Variants in SGPL1 observed in about 807,000 individuals in gnomAD.
SGPL1 encodes SP-lyase 1.
A neutral mutation model predicts 68.9 loss-of-function variants in SGPL1; 37 were observed. That is an observed-to-expected ratio of 0.54 (90% CI 0.41 to 0.71). The LOEUF (loss-of-function observed/expected upper bound fraction) is 0.71. Ranked by LOEUF, SGPL1 falls within the 30% of genes least tolerant of loss-of-function variation. The probability of loss-of-function intolerance (pLI) is 0.00; values close to 1 mark genes in which losing one functional copy is unlikely to be tolerated. For missense variants in SGPL1, 551 were observed against 704.6 expected, an observed-to-expected ratio of 0.78 and a Z score of 2.47; for synonymous variants, 236 against 248.5, an observed-to-expected ratio of 0.95 and a Z score of 0.47.
chr10:70,819,299 C>T (rs1393384489), intron 2 of SGPL1, among the ~76,000 whole-genome samples: 1 of 152,172 alleles, frequency 6.6e-6, no homozygotes, highest in Non-Finnish European at 1.5e-5. Context: ...CACATAGATG[C>T]GAGTGGCCCT....
chr10:70,852,713 TG>T (rs1195037621), intron 4 of SGPL1, among the ~76,000 whole-genome samples: 1 of 151,058 alleles, frequency 6.6e-6, no homozygotes, highest in African/African-American at 2.4e-5. Flanking sequence ...TGTATGTGTG[TG>T]TGTGTGTGTG....
chr10:70,841,642 A>G (rs1845715094), intron 2 of SGPL1, among the ~76,000 whole-genome samples: 1 of 152,110 alleles, frequency 6.6e-6, no homozygotes. Flanking sequence ...TCCTCCTACC[A>G]TCAGCTTGAG....
In SGPL1 at chr10:70,877,542, T is replaced by A; in HGVS notation, c.*207T>A. ...AATTTGAAGACCCCAGAGAATTCCATTACATAATGATTTTGCCCTTGTTAT... is the reference window on the plus strand; with the variant it reads ...AATTTGAAGACCCCAGAGAATTCCAATACATAATGATTTTGCCCTTGTTAT... On this transcript the variant is annotated 3_prime_UTR_variant, in exon 15 of 15. Coordinates refer to ENST00000373202, the MANE Select transcript of SGPL1 (RefSeq NM_003901.4). 2.0e-6 allele frequency: 1 copy of A among 510,968 alleles called. No homozygotes were observed. Among genetic ancestry groups the A allele is most frequent in the South Asian group, 3.7e-5 (1 of 26,866 alleles). 31.7% of individuals were successfully genotyped at this position (510,968 alleles called of 1,614,324 possible).
At chr10:70,867,214 G>A (rs144084439) in intron 7 of SGPL1, among the ~76,000 whole-genome samples, 2 of 152,232 alleles carry the variant, frequency 1.3e-5, no homozygotes, top group East Asian at 3.9e-4. Context: ...AAATAGCCAG[G>A]TGGCTATGAC....
chr10:70,837,411 C>G (rs548967521), intron 2 of SGPL1, among the ~76,000 whole-genome samples: 2 of 152,316 alleles, frequency 1.3e-5, no homozygotes, highest in East Asian at 3.9e-4. Context: ...AAGTGCTTCA[C>G]TCTTTCCTGT....
At chr10:70,853,379 T>C (rs1845916306) in intron 4 of SGPL1, among the ~76,000 whole-genome samples, 2 of 152,344 alleles carry the variant, frequency 1.3e-5, no homozygotes, top group South Asian at 2.1e-4. Context: ...TTAACAAATA[T>C]ATTGCTGAAA....
At chr10:70,860,964 C>T (rs927137922) in intron 7 of SGPL1, among the ~76,000 whole-genome samples, 1 of 151,876 alleles carries the variant, frequency 6.6e-6, no homozygotes, top group Non-Finnish European at 1.5e-5. Context: ...CCAGTGGAAA[C>T]ATCATATTGG....
chr10:70,847,550 C>A (rs1444383760), intron 3 of SGPL1, among the ~76,000 whole-genome samples: 1 of 152,126 alleles, frequency 6.6e-6, no homozygotes, highest in Non-Finnish European at 1.5e-5. Flanking sequence ...TAAAATCTTA[C>A]TACTGAAGGA....
intron 2 of SGPL1, among the ~76,000 whole-genome samples, chr10:70,824,848 C>T (rs1209537775): frequency 9.9e-5 from 15 of 152,140 alleles, no homozygotes; most frequent in East Asian, 3.9e-4. Flanking sequence ...GTAAGGTAAG[C>T]GCAGACTAGT....
At chr10:70,832,890 C>T (rs1053962872) in intron 2 of SGPL1, among the ~76,000 whole-genome samples, 33 of 152,250 alleles carry the variant, frequency 2.2e-4, no homozygotes, top group African/African-American at 7.5e-4. Context: ...CAGTTTTATG[C>T]ATTTAGTCTT....
rs1280778815 is a variant in SGPL1 at position 70,871,179 on chromosome 10, A to C, written c.909+33A>C. 4.9e-6 allele frequency: 7 copies of C among 1,416,176 alleles called. No homozygotes were observed. In the Admixed American group the frequency reaches 1.2e-4, roughly 24 times the overall value. 87.7% of individuals were successfully genotyped at this position (1,416,176 alleles called of 1,614,324 possible). On this transcript the variant is annotated intron_variant, in intron 10 of 14. Transcript: ENST00000373202. ...AGAGAAATGGGCTGCTAAGGCAGGCAAATGGATATTTTAAAACAAAGCCTA... is the reference window on the plus strand; with the variant it reads ...AGAGAAATGGGCTGCTAAGGCAGGCCAATGGATATTTTAAAACAAAGCCTA...
At chr10:70,864,077 T>C (rs1846133539) in intron 7 of SGPL1, among the ~76,000 whole-genome samples, 2 of 152,188 alleles carry the variant, frequency 1.3e-5, no homozygotes, top group Non-Finnish European at 2.9e-5. Flanking sequence ...TTAAATTTTT[T>C]TTTTTTGATG....
intron 7 of SGPL1, among the ~76,000 whole-genome samples, chr10:70,865,018 T>C (rs1201022362): frequency 1.3e-5 from 2 of 152,206 alleles, no homozygotes; most frequent in Non-Finnish European, 2.9e-5. Context: ...TTTTGCTCAT[T>C]TCTCCCTAGC....
intron 7 of SGPL1, among the ~76,000 whole-genome samples, chr10:70,861,449 G>C (rs903866591): frequency 2.0e-5 from 3 of 152,166 alleles, no homozygotes; most frequent in Non-Finnish European, 2.9e-5. Context: ...GCTGGAGCCT[G>C]GTGATAAGTA....
chr10:70,852,898 A>T (rs538691771), intron 4 of SGPL1, among the ~76,000 whole-genome samples: 6 of 152,246 alleles, frequency 3.9e-5, no homozygotes, highest in African/African-American at 1.4e-4. Context: ...CAGAAAATAA[A>T]GAAGTAAACA....
intron 7 of SGPL1, among the ~76,000 whole-genome samples, chr10:70,865,998 C>T (rs1159391424): frequency 7.9e-5 from 12 of 152,172 alleles, no homozygotes; most frequent in Admixed American, 7.9e-4. Context: ...TCTTACTTCA[C>T]AGTTAAAATT....
At position 70,877,383 on chromosome 10, in the gene SGPL1, C is replaced by T. The variant is rs774045941; in HGVS notation, c.*48C>T. The stretch of plus-strand genomic sequence containing the variant: ...AGGGGATTCCAGCCTTCAGAAGGTT[C>T]TTGGGATATGGAACAGGCCGTGCAC... On this transcript the variant is annotated 3_prime_UTR_variant, in exon 15 of 15. Coordinates refer to ENST00000373202, the MANE Select transcript of SGPL1 (RefSeq NM_003901.4). 6.2e-7 allele frequency: 1 copy of T among 1,601,770 alleles called. No individual in the cohort carries two copies. Among genetic ancestry groups the T allele is most frequent in the South Asian group, 1.1e-5 (1 of 90,688 alleles).
chr10:70,850,336 AT>A (rs1845859973), intron 3 of SGPL1, among the ~76,000 whole-genome samples: 1 of 152,154 alleles, frequency 6.6e-6, no homozygotes, highest in Non-Finnish European at 1.5e-5. Context: ...TTTTGAGGGC[AT>A]TTGTAGGTCC....
chr10:70,851,574 G>C (rs534676062), intron 4 of SGPL1, among the ~76,000 whole-genome samples: 1 of 152,266 alleles, frequency 6.6e-6, no homozygotes, highest in South Asian at 2.1e-4. Context: ...TGAGAAGCCT[G>C]TTAAGGAAGT....
Sources: allele counts gnomAD v4.1 joint callset (sites outside exome capture counted in the v4.1 genomes callset), GRCh38; gene constraint gnomAD v4.1.1; transcripts MANE v1.5; gene names NCBI Gene and HGNC (gene_info 2026-07-23, HGNC 2026-07-21).